The following DPH1 variants were observed in gnomAD, a reference collection of about 807,000 sequenced individuals.
The protein encoded by DPH1 is diphthamide biosynthesis 1, also known as 2-(3-amino-3-carboxypropyl)histidine synthase subunit 1.
Under a neutral mutation model 55.3 loss-of-function variants are expected in DPH1, and 59 were observed. That is an observed-to-expected ratio of 1.07 (90% CI 0.87 to 1.33). The LOEUF is 1.33. Among genes scored for constraint, DPH1 ranks in the 40% most tolerant of loss-of-function variants. DPH1 has a pLI of 0.00. For synonymous variants in DPH1, 238 were observed against 235.5 expected (o/e 1.01, Z -0.10); for missense variants, 628 against 584.8 (o/e 1.07, Z -0.76).
rs545465418 is a variant in DPH1, at chr17:2,036,443, G to T, written c.401-86G>T. On this transcript the variant is annotated intron_variant, in intron 4 of 12. Transcript: ENST00000263083. The surrounding 1 kb of genome is among the most constrained non-coding windows in gnomAD (Gnocchi z 4.8). ...TTTACCCCCAGGCTGAAGCCACTGC[G>T]CCTGGCTGCTCAGAGACCTGAGCCT... 1 of 1,541,242 alleles carries T rather than the reference G, an allele frequency of 6.5e-7. No individual in the cohort carries two copies. Among genetic ancestry groups the T allele is most frequent in the South Asian group, 1.2e-5 (1 of 83,606 alleles).
chr17:2,041,098 C>A lies in DPH1; in HGVS notation c.1008-5C>A. The A allele has an allele frequency of 1.9e-6, 3 of 1,596,878 alleles. No individual in the cohort carries two copies. Among genetic ancestry groups the A allele is most frequent in the Non-Finnish European group, 2.6e-6 (3 of 1,171,160 alleles). On this transcript the variant is annotated splice_polypyrimidine_tract_variant and splice_region_variant and intron_variant, in intron 9 of 12. Transcript: ENST00000263083. ...CCTAGGGTCTGACCTGGCTTCCCTT[C>A]CCAGGTGGGTGCAGGTGGCATGTCC... is the stretch of plus-strand genomic sequence containing the variant.
chr17:2,030,806 T>A (rs551313315), intron 1 of DPH1, among the ~76,000 whole-genome samples: 1 of 152,200 alleles, frequency 6.6e-6, no homozygotes, highest in Non-Finnish European at 1.5e-5. Flanking sequence ...TAGGGACCTG[T>A]CAGAGGAGGA....
At position 2,041,866 on chromosome 17, in the gene DPH1, C is replaced by T. The variant is rs1252929342; in HGVS notation, c.*9C>T. 1.9e-6 allele frequency: 3 copies of T among 1,584,504 alleles called. No homozygotes were observed. The highest frequency in any genetic ancestry group is 1.1e-5 in the South Asian group (1 of 87,720). On this transcript the variant is annotated 3_prime_UTR_variant, in exon 12 of 13. Transcript: ENST00000263083. Reference sequence around the variant, plus strand: ...CGCCGCTGGCTCCTTGACGCGCTCCCGGGCCTCAGGTATCAGCCCCCGCTC... The same window carrying T: ...CGCCGCTGGCTCCTTGACGCGCTCCTGGGCCTCAGGTATCAGCCCCCGCTC...
At chr17:2,041,251 G>A in intron 10 of DPH1, 70 bp downstream of exon 10, 1 of 1,538,436 alleles carries the variant, frequency 6.5e-7, no homozygotes, top group Non-Finnish European at 8.8e-7. Context: ...GAGTGGAGTG[G>A]GGTGGGTGGG....
In DPH1 at chr17:2,043,334, T is replaced by G; in HGVS notation, c.*748T>G. On this transcript the variant is annotated 3_prime_UTR_variant, in exon 13 of 13. Transcript: ENST00000263083. Reference sequence around the variant, plus strand: ...TGACTTGTGAAAACGCAAACATGAATATGGTTGGAGAGCCCTGGATTAGGA... The same window carrying G: ...TGACTTGTGAAAACGCAAACATGAAGATGGTTGGAGAGCCCTGGATTAGGA... 1.8e-6 allele frequency: 1 copy of G among 542,656 alleles called. No homozygotes were observed. Among genetic ancestry groups the G allele is most frequent in the Non-Finnish European group, 3.2e-6 (1 of 314,086 alleles). The allele number at this position is 542,656 out of a possible 1,614,324, so 33.6% of individuals were successfully genotyped here.
rs746081858 is a variant in DPH1 at position 2,042,232 on chromosome 17, G to A, written c.*18+357G>A. On this transcript the variant is annotated intron_variant, in intron 12 of 12. Coordinates refer to ENST00000263083, the MANE Select transcript of DPH1 (RefSeq NM_001383.6). ...CCCGAGGGCGCCAGATCAGACTTCG[G>A]TGAGACAAGCCCCGCTCCGGAAACG... is the stretch of plus-strand genomic sequence containing the variant. 5.1e-5 allele frequency: 72 copies of A among 1,421,848 alleles called. 1 individual carries two copies. In the South Asian group the frequency reaches 7.4e-4, roughly 15 times the overall value. 88.1% of individuals were successfully genotyped at this position (1,421,848 alleles called of 1,614,324 possible).
rs767875191 is a variant in DPH1 at position 2,043,085 on chromosome 17, T to G, written c.*499T>G. The G allele has an allele frequency of 3.7e-6, 6 of 1,613,596 alleles. No individual in the cohort carries two copies. The highest frequency in any genetic ancestry group is 1.7e-5 in the Admixed American group (1 of 59,996). ...CAGCGTCAGGCCTACCTCAAGTTCT[T>G]GGACCAGTTTGCAGAGTGAAAGATC... is the stretch of plus-strand genomic sequence containing the variant. On this transcript the variant is annotated 3_prime_UTR_variant, in exon 13 of 13. Coordinates refer to ENST00000263083, the MANE Select transcript of DPH1 (RefSeq NM_001383.6).
In DPH1 at chr17:2,036,569, C is replaced by T. The variant is rs1274621087; in HGVS notation, c.441C>T (p.Tyr147=). ...DTSAQDFRVL[Y]VFVDIRIDTT... ...CGGCCCAAGACTTCCGGGTGCTGTA[C>T]GTCTTTGTGGACATCCGGATAGACA... The change falls in exon 5 of 13, where the codon TAC becomes TAT. Residue 147 remains tyrosine, a synonymous_variant. Coordinates refer to ENST00000263083, the MANE Select transcript of DPH1 (RefSeq NM_001383.6). The surrounding 1 kb of genome is among the most constrained non-coding windows in gnomAD (Gnocchi z 4.8). 5.6e-6 allele frequency: 9 copies of T among 1,613,984 alleles called. No homozygotes were observed. Among genetic ancestry groups the T allele is most frequent in the South Asian group, 3.3e-5 (3 of 91,086 alleles).
Position 2,042,989 on chromosome 17 carries a change from T to A in DPH1, c.*403T>A, listed in dbSNP as rs765410533. ...ATCCCCTCTCAGGAGAGTGTGCAAC[T>A]GGCCAGCCAATTTCCCGGAGCCATC... On this transcript the variant is annotated 3_prime_UTR_variant, in exon 13 of 13. Transcript: ENST00000263083. 6.2e-7 allele frequency: 1 copy of A among 1,614,106 alleles called. No individual in the cohort carries two copies.
intron 6 of DPH1, among the ~76,000 whole-genome samples, chr17:2,037,786 C>T (rs1486945991): frequency 2.0e-5 from 3 of 152,200 alleles, no homozygotes; most frequent in African/African-American, 4.8e-5. Context: ...CTGTCAGGGA[C>T]AGCATGTCTG....
chr17:2,033,179 G>A (rs755138222), intron 1 of DPH1, among the ~76,000 whole-genome samples: 68 of 152,218 alleles, frequency 4.5e-4, no homozygotes, highest in African/African-American at 1.6e-3. Context: ...TCACCTGGTG[G>A]GGGGGTGGGT....
In DPH1 at chr17:2,036,097, G is replaced by T. The variant is rs1458886728; in HGVS notation, c.400+6G>T. 1 of 1,613,794 alleles carries T rather than the reference G, an allele frequency of 6.2e-7. No individual in the cohort carries two copies. The highest frequency in any genetic ancestry group is 8.5e-7 in the Non-Finnish European group (1 of 1,179,870). On this transcript the variant is annotated splice_donor_region_variant and intron_variant, in intron 4 of 12. Transcript: ENST00000263083. This position sits in a 1 kb window ranked among gnomAD's most constrained non-coding sequence, Gnocchi z 4.8. ...CTACGGCCACAGTTGCCTGAGTATG[G>T]TGGGGCCAGGACACCTGGACGGTGG... is the stretch of plus-strand genomic sequence containing the variant.
Position 2,043,381 on chromosome 17 carries a change from G to A in DPH1, c.*795G>A. Reference sequence around the variant, plus strand: ...AGGAGGGTGACATGGGGAAGGCAGAGGCTGGCACCATGGTGACTGCCACAT... The same window carrying A: ...AGGAGGGTGACATGGGGAAGGCAGAAGCTGGCACCATGGTGACTGCCACAT... On this transcript the variant is annotated 3_prime_UTR_variant, in exon 13 of 13. Coordinates refer to ENST00000263083, the MANE Select transcript of DPH1 (RefSeq NM_001383.6). 1 of 408,988 alleles carries A rather than the reference G, an allele frequency of 2.4e-6. No individual in the cohort carries two copies. Among genetic ancestry groups the A allele is most frequent in the Non-Finnish European group, 4.4e-6 (1 of 229,054 alleles). 25.3% of individuals were successfully genotyped at this position (408,988 alleles called of 1,614,324 possible).
chr17:2,030,815 G>A (rs867439525), intron 1 of DPH1, among the ~76,000 whole-genome samples: 6 of 152,200 alleles, frequency 3.9e-5, no homozygotes, highest in African/African-American at 7.2e-5. Context: ...GTCAGAGGAG[G>A]ATCTGTAATG....
chr17:2,042,005 G>A (rs555244320), intron 12 of DPH1, 130 bp downstream of exon 12: 58 of 1,492,760 alleles, frequency 3.9e-5, no homozygotes, highest in Non-Finnish European at 5.0e-5. Context: ...TCCGCTCGGG[G>A]AAAGACCGCT....
chr17:2,039,562 A>G (rs1247058318), intron 6 of DPH1, 193 bp from the exon 7 acceptor site: 11 of 587,520 alleles, frequency 1.9e-5, no homozygotes, highest in African/African-American at 7.6e-5. Flanking sequence ...TATTTTTAGT[A>G]GAGACGGGGT....
chr17:2,032,386 C>T (rs117488912), intron 1 of DPH1, among the ~76,000 whole-genome samples: 2,495 of 152,298 alleles, frequency 0.016, 30 homozygotes, highest in Admixed American at 0.025. Context: ...ATATTCTATT[C>T]ATGGGCTCAA....
chr17:2,035,815 T>C (rs1486848555), intron 3 of DPH1, among the ~76,000 whole-genome samples, 155 bp from the exon 4 acceptor site: 2 of 152,078 alleles, frequency 1.3e-5, no homozygotes, highest in African/African-American at 4.8e-5. Flanking sequence ...GTGCCCCTCC[T>C]AATCTTTGTT....
rs1456020025 is a variant in DPH1, at chr17:2,036,595, C to T, written c.467C>T (p.Thr156Ile). The change falls in exon 5 of 13, where the codon ACT becomes ATT. Residue 156 changes from threonine (T) to isoleucine (I), a missense_variant. Thr to Ile is a moderately conservative substitution (Grantham distance 89). Coordinates refer to ENST00000263083, the MANE Select transcript of DPH1 (RefSeq NM_001383.6). This position sits in a 1 kb window ranked among gnomAD's most constrained non-coding sequence, Gnocchi z 4.8. ...GTCTTTGTGGACATCCGGATAGACA[C>T]TACACACCTCCTGGACTCTCTCCGC... ...LYVFVDIRID[T>I]THLLDSLRLT... is the part of the protein sequence containing the mutation. 2 of 1,614,024 alleles carry T rather than the reference C, an allele frequency of 1.2e-6. No individual in the cohort carries two copies. The highest frequency in any genetic ancestry group is 8.5e-7 in the Non-Finnish European group (1 of 1,180,034).
Sources: allele counts gnomAD v4.1 joint callset (sites outside exome capture counted in the v4.1 genomes callset), GRCh38; gene constraint gnomAD v4.1.1; non-coding constraint Gnocchi (gnomAD v3.1); transcripts MANE v1.5; gene names NCBI Gene and HGNC (gene_info 2026-07-23, HGNC 2026-07-21).